PTPRO: variants seen among roughly 807,000 people sequenced by gnomAD.
PTPRO encodes protein tyrosine phosphatase receptor type O, also known as receptor-type tyrosine-protein phosphatase O.
PTPRO carries 62 observed loss-of-function variants against 145.2 expected under a neutral mutation model. The ratio of observed to expected loss-of-function variants is 0.43; its 90% CI spans 0.35 to 0.53. The LOEUF is 0.53. Ranked by LOEUF, PTPRO falls within the 20% of genes least tolerant of loss-of-function variation. The pLI, the probability that PTPRO is intolerant of heterozygous loss-of-function variation, is 0.01. For missense variants in PTPRO, 1,345 were observed against 1,482.7 expected, an observed-to-expected ratio of 0.91 and a Z score of 1.53; for synonymous variants, 565 against 514.7, an observed-to-expected ratio of 1.10 and a Z score of -1.32.
chr12:15,389,615 G>A (rs1431511538), intron 1 of PTPRO, among the ~76,000 whole-genome samples: 1 of 152,114 alleles, frequency 6.6e-6, no homozygotes, highest in African/African-American at 2.4e-5. Flanking sequence ...AATGTGATAA[G>A]CTCATTATTT....
rs201985586 is a variant in PTPRO at position 15,559,315 on chromosome 12, G to A, written c.2628-878G>A. Among the ~76,000 whole-genome samples the A allele has an allele frequency of 6.6e-5, 10 of 152,294 alleles. No individual in the cohort carries two copies. In the East Asian group the frequency reaches 1.9e-3, roughly 29 times the overall value. ...CGACTCTAGCATTTTCTAGCTGACT[G>A]AGAATAGATATCTCAGTGAAGATTT... On this transcript the variant is annotated intron_variant, in intron 16 of 26. Transcript: ENST00000281171.
chr12:15,409,013 T>C (rs2136309772), intron 1 of PTPRO, among the ~76,000 whole-genome samples: 1 of 152,270 alleles, frequency 6.6e-6, no homozygotes, highest in Admixed American at 6.5e-5. Flanking sequence ...AGAATAATTA[T>C]ATTTCCATTT....
At chr12:15,531,953 C>T (rs1421294528) in intron 12 of PTPRO, among the ~76,000 whole-genome samples, 3 of 152,068 alleles carry the variant, frequency 2.0e-5, no homozygotes, top group Non-Finnish European at 4.4e-5. Flanking sequence ...AAGACTAATT[C>T]GTGGTTGTTT....
At chr12:15,581,837 T>C (rs765052689) in intron 23 of PTPRO, 36 bp downstream of exon 23, 13 of 1,612,528 alleles carry the variant, frequency 8.1e-6, no homozygotes, top group Non-Finnish European at 1.1e-5. Flanking sequence ...GCTGTCCCTA[T>C]GCTGACACCT....
chr12:15,514,960 T>C (rs1942545528), intron 7 of PTPRO, among the ~76,000 whole-genome samples: 1 of 151,984 alleles, frequency 6.6e-6, no homozygotes, highest in South Asian at 2.1e-4. Flanking sequence ...AGACAGGGTT[T>C]CACTATGTTC....
At chr12:15,470,016 TGA>T (rs1434902321) in intron 1 of PTPRO, among the ~76,000 whole-genome samples, 2 of 152,188 alleles carry the variant, frequency 1.3e-5, no homozygotes, top group Non-Finnish European at 2.9e-5. Context: ...AGAATAAAAG[TGA>T]GAGACTGTCA....
chr12:15,515,932 G>A (rs1203288588), intron 8 of PTPRO, among the ~76,000 whole-genome samples: 3 of 150,674 alleles, frequency 2.0e-5, no homozygotes, highest in Non-Finnish European at 4.4e-5. Context: ...TGGGAGGACT[G>A]CTTGAGCCCA....
intron 1 of PTPRO, among the ~76,000 whole-genome samples, chr12:15,355,507 C>A (rs1404110984): frequency 2.1e-5 from 3 of 145,638 alleles, no homozygotes; most frequent in Admixed American, 1.4e-4. Context: ...TTGGTGAGGC[C>A]TTTCCTGAAA....
intron 1 of PTPRO, among the ~76,000 whole-genome samples, chr12:15,465,355 T>C (rs1281895490): frequency 6.6e-6 from 1 of 152,260 alleles, no homozygotes; most frequent in Non-Finnish European, 1.5e-5. Flanking sequence ...CAAAATGTTC[T>C]AGCTATATTC....
At chr12:15,566,264 A>G (rs1413094493) in intron 18 of PTPRO, among the ~76,000 whole-genome samples, 1 of 152,108 alleles carries the variant, frequency 6.6e-6, no homozygotes, top group African/African-American at 2.4e-5. Context: ...TTTCCTTTAT[A>G]TAGAGTTTGT....
chr12:15,539,055 C>T (rs1056719199), intron 12 of PTPRO, among the ~76,000 whole-genome samples: 1 of 151,964 alleles, frequency 6.6e-6, no homozygotes, highest in African/African-American at 2.4e-5. Flanking sequence ...ATATATGACT[C>T]CTAACAAAAT....
intron 1 of PTPRO, among the ~76,000 whole-genome samples, chr12:15,440,848 C>T (rs78508905): frequency 0.023 from 3,471 of 152,292 alleles, 147 homozygotes; most frequent in African/African-American, 0.078. Context: ...AATATGTATG[C>T]ATCAACTTTG....
Position 15,549,113 on chromosome 12 carries a change from C to G in PTPRO, c.2324C>G (p.Ser775Cys). 1.2e-6 allele frequency: 2 copies of G among 1,613,524 alleles called. No individual in the cohort carries two copies. Among genetic ancestry groups the G allele is most frequent in the Non-Finnish European group, 1.7e-6 (2 of 1,179,658 alleles). ...CCCCAGGAACCAGTTGCTGTTTCTT[C>G]CCATGTCGTGACCATCTCCAGCCTT... is the stretch of plus-strand genomic sequence containing the variant. ...TKLQEPVAVS[S>C]HVVTISSLLP... is the part of the protein sequence containing the mutation. Residue 775 changes from serine (S) to cysteine (C), a missense_variant, in exon 14 of 27, where the codon TCC becomes TGC. By Grantham distance (112) the Ser-to-Cys change is moderately radical. Coordinates refer to ENST00000281171, the MANE Select transcript of PTPRO (RefSeq NM_030667.3).
intron 12 of PTPRO, among the ~76,000 whole-genome samples, chr12:15,539,674 AT>A: frequency 7.2e-6 from 1 of 138,766 alleles, no homozygotes; most frequent in East Asian, 2.4e-4. Flanking sequence ...AGGCAGGAGA[AT>A]TTTTTGAACC....
chr12:15,494,038 C>T (rs375525346), intron 2 of PTPRO, among the ~76,000 whole-genome samples: 106 of 151,972 alleles, frequency 7.0e-4, no homozygotes, highest in South Asian at 3.5e-3. Flanking sequence ...TAATTTAAAA[C>T]ATGAAACAAT....
intron 1 of PTPRO, among the ~76,000 whole-genome samples, chr12:15,480,328 C>T (rs1460637097): frequency 6.6e-6 from 1 of 152,032 alleles, no homozygotes; most frequent in Non-Finnish European, 1.5e-5. Context: ...TGGACTATTT[C>T]TTGAATATTG....
intron 6 of PTPRO, among the ~76,000 whole-genome samples, chr12:15,504,378 G>A (rs1309686412): frequency 6.6e-6 from 1 of 152,056 alleles, no homozygotes; most frequent in Non-Finnish European, 1.5e-5. Flanking sequence ...ATACAGTTTG[G>A]GAAATACGAC....
intron 1 of PTPRO, among the ~76,000 whole-genome samples, chr12:15,402,575 A>G (rs1313862462): frequency 6.6e-6 from 1 of 152,116 alleles, no homozygotes; most frequent in African/African-American, 2.4e-5. Flanking sequence ...ATGGACATAC[A>G]CTCAGGAGCC....
chr12:15,590,266 G>C (rs933746977), intron 25 of PTPRO, among the ~76,000 whole-genome samples: 3 of 152,126 alleles, frequency 2.0e-5, no homozygotes, highest in Non-Finnish European at 4.4e-5. Flanking sequence ...CCAAGGCAAC[G>C]CCGGCAGACA....
Sources: allele counts gnomAD v4.1 joint callset (sites outside exome capture counted in the v4.1 genomes callset), GRCh38; gene constraint gnomAD v4.1.1; transcripts MANE v1.5; gene names NCBI Gene and HGNC (gene_info 2026-07-23, HGNC 2026-07-21).